The following PTPN2 variants were observed in gnomAD, a reference collection of about 807,000 sequenced individuals.
PTPN2 encodes protein tyrosine phosphatase non-receptor type 2.
A neutral mutation model predicts 57.3 loss-of-function variants in PTPN2; 19 were observed. The observed-to-expected ratio is 0.33, with a 90% CI of 0.23 to 0.49. The LOEUF (loss-of-function observed/expected upper bound fraction) is 0.49. Among genes scored for constraint, PTPN2 ranks in the 20% least tolerant of loss-of-function variants. The pLI is 0.99. For synonymous variants in PTPN2, 153 were observed against 164.9 expected (o/e 0.93, Z 0.55); for missense variants, 358 against 501.1 (o/e 0.71, Z 2.73).
At chr18:12,832,420 TA>T (rs1433200349) in intron 3 of PTPN2, among the ~76,000 whole-genome samples, 4 of 152,160 alleles carry the variant, frequency 2.6e-5, no homozygotes, top group Non-Finnish European at 4.4e-5. Context: ...CCCAGCTGAC[TA>T]AAAGCATCTT....
chr18:12,815,497 A>G lies in PTPN2; in HGVS notation c.706-1142T>C, dbSNP rs78496812. On this transcript the variant is annotated intron_variant, in intron 6 of 8. Transcript: ENST00000309660. ...GACAGCAAAAGCCCAGATCCACGATAACACTGCTGAGCTACAGCACTGCTC... is the reference window on the plus strand; with the variant it reads ...GACAGCAAAAGCCCAGATCCACGATGACACTGCTGAGCTACAGCACTGCTC... Among the ~76,000 whole-genome samples, 663 of 152,268 alleles carry G rather than the reference A, an allele frequency of 4.4e-3. 20 individuals carry two copies. In the East Asian group the frequency reaches 0.072, roughly 17 times the overall value.
intron 1 of PTPN2, among the ~76,000 whole-genome samples, chr18:12,867,062 G>T (rs1341012654): frequency 1.3e-5 from 2 of 150,814 alleles, no homozygotes; most frequent in African/African-American, 4.9e-5. Flanking sequence ...CTGGGCCAAG[G>T]CAGGAGGATC....
chr18:12,817,076 C>CTGGGAT lies in PTPN2; in HGVS notation c.705+79_705+80insATCCCA, dbSNP rs1337694594. On this transcript the variant is annotated intron_variant, in intron 6 of 8. Coordinates refer to ENST00000309660, the MANE Select transcript of PTPN2 (RefSeq NM_002828.4). The stretch of plus-strand genomic sequence containing the variant: ...AAACCTCAGTTCTGGGATACAGCAT[C>CTGGGAT]AGAGTTTATTCACTGCCAGTGGAAG... 4 of 1,309,848 alleles carry CTGGGAT rather than the reference C, an allele frequency of 3.1e-6. No homozygotes were observed. In the African/African-American group the frequency reaches 6.0e-5, roughly 20 times the overall value. The allele number at this position is 1,309,848 out of a possible 1,614,324, so 81.1% of individuals were successfully genotyped here. A position where few individuals can be genotyped will look rare whatever the true frequency, so the allele number is the denominator to read the frequency against.
intron 2 of PTPN2, among the ~76,000 whole-genome samples, chr18:12,853,866 A>T (rs1647906935): frequency 2.6e-5 from 4 of 152,196 alleles, no homozygotes. Flanking sequence ...TTTTCATAAA[A>T]ATTGTGCAGC....
chr18:12,871,084 T>C (rs2044255838), intron 1 of PTPN2, among the ~76,000 whole-genome samples: 1 of 152,144 alleles, frequency 6.6e-6, no homozygotes, highest in Non-Finnish European at 1.5e-5. Flanking sequence ...ACAAAACAGA[T>C]ATTAGCATAC....
chr18:12,867,575 T>C (rs1281479394), intron 1 of PTPN2, among the ~76,000 whole-genome samples: 2 of 152,234 alleles, frequency 1.3e-5, no homozygotes, highest in African/African-American at 2.4e-5. Context: ...CAAGTCTTCA[T>C]CGGAACTGGG....
Position 12,793,702 on chromosome 18 carries a change from A to AT in PTPN2, c.*575dup, listed in dbSNP as rs1253978872. On this transcript the variant is annotated 3_prime_UTR_variant, in exon 9 of 9. Transcript: ENST00000309660. ...GTACAATTCAATCGACATACAATTT[A>AT]TTTTTTTAGTAACAGATTTTTCAAA... The AT allele has an allele frequency of 4.1e-6, 4 of 975,568 alleles. No individual in the cohort carries two copies. The highest frequency in any genetic ancestry group is 1.2e-4 in the Admixed American group (2 of 16,562). 60.4% of individuals were successfully genotyped at this position (975,568 alleles called of 1,614,324 possible).
chr18:12,835,037 C>T (rs753763109), intron 3 of PTPN2, among the ~76,000 whole-genome samples: 8 of 152,104 alleles, frequency 5.3e-5, no homozygotes, highest in Admixed American at 1.3e-4. Flanking sequence ...GCATGGATTT[C>T]ACATCCCATG....
At chr18:12,831,932 G>A (rs55964405) in intron 3 of PTPN2, among the ~76,000 whole-genome samples, 259 of 152,270 alleles carry the variant, frequency 1.7e-3, no homozygotes, top group Non-Finnish European at 2.5e-3. Context: ...AAATTTTAAC[G>A]AGTTTTAAAT....
intron 7 of PTPN2, among the ~76,000 whole-genome samples, chr18:12,802,645 C>T (rs933941868): frequency 6.6e-6 from 1 of 152,154 alleles, no homozygotes; most frequent in Admixed American, 6.6e-5. Context: ...TGTAAGGGAA[C>T]CTGGCAGGTT....
chr18:12,847,998 G>A (rs1380966918), intron 2 of PTPN2, among the ~76,000 whole-genome samples: 2 of 151,796 alleles, frequency 1.3e-5, no homozygotes, highest in Non-Finnish European at 2.9e-5. Flanking sequence ...TGTCAACAAC[G>A]GATTTTGAGA....
At chr18:12,865,294 G>T (rs1277916156) in intron 1 of PTPN2, among the ~76,000 whole-genome samples, 1 of 151,948 alleles carries the variant, frequency 6.6e-6, no homozygotes, top group Non-Finnish European at 1.5e-5. Context: ...AATTAGCAAG[G>T]CATGGTGGTA....
At chr18:12,794,563 G>A (rs1439095707) in intron 8 of PTPN2, 78 bp from the exon 9 acceptor site, 45 of 1,515,728 alleles carry the variant, frequency 3.0e-5, no homozygotes, top group Non-Finnish European at 3.1e-5. Context: ...GGACCTAGGC[G>A]CAAATAAAAC....
At chr18:12,858,509 A>C (rs1863470509) in intron 2 of PTPN2, among the ~76,000 whole-genome samples, 1 of 151,942 alleles carries the variant, frequency 6.6e-6, no homozygotes, top group Non-Finnish European at 1.5e-5. Flanking sequence ...GAACTTATGC[A>C]AAAGAGTGGT....
Position 12,793,071 on chromosome 18 carries a change from T to G in PTPN2, c.*1207A>C. Reference sequence around the variant, plus strand: ...AAATAAGGTATGCTATCCATAATAATGTATGCTATCCATGCCTCCTAGCAA... The same window carrying G: ...AAATAAGGTATGCTATCCATAATAAGGTATGCTATCCATGCCTCCTAGCAA... On this transcript the variant is annotated 3_prime_UTR_variant, in exon 9 of 9. Transcript: ENST00000309660. The G allele has an allele frequency of 1.0e-6, 1 of 985,392 alleles. No individual in the cohort carries two copies. Among genetic ancestry groups the G allele is most frequent in the Non-Finnish European group, 1.2e-6 (1 of 829,864 alleles). 61.0% of individuals were successfully genotyped at this position (985,392 alleles called of 1,614,324 possible).
At chr18:12,846,230 AG>A (rs2043201363) in intron 2 of PTPN2, among the ~76,000 whole-genome samples, 1 of 152,188 alleles carries the variant, frequency 6.6e-6, no homozygotes, top group Admixed American at 6.5e-5. Context: ...AGACTTCTCC[AG>A]TGTAGAGGTA....
intron 1 of PTPN2, among the ~76,000 whole-genome samples, chr18:12,881,478 C>T (rs1173910002): frequency 3.9e-5 from 6 of 152,130 alleles, no homozygotes; most frequent in African/African-American, 1.4e-4. Context: ...TCCAGACTTA[C>T]AATTCCACAA....
intron 8 of PTPN2, among the ~76,000 whole-genome samples, chr18:12,799,225 T>A (rs1441929149): frequency 1.3e-5 from 2 of 152,092 alleles, no homozygotes; most frequent in Non-Finnish European, 2.9e-5. Context: ...GAGACCAGCC[T>A]GGCCAACATG....
At chr18:12,839,515 C>T (rs1315926686) in intron 2 of PTPN2, 1 of 152,154 alleles carries the variant, frequency 6.6e-6, no homozygotes, top group Admixed American at 6.5e-5. Flanking sequence ...CCTTGTAAGT[C>T]TGGTTATCTC....
Sources: gnomAD v4.1 joint callset for allele counts (sites outside exome capture counted in the v4.1 genomes callset) on GRCh38, gnomAD v4.1.1 for gene constraint, MANE v1.5 for transcripts, NCBI Gene and HGNC (gene_info 2026-07-23, HGNC 2026-07-21) for gene names.